The following G2E3 variants were observed in gnomAD, a reference collection of about 807,000 sequenced individuals.
G2E3 encodes G2/M phase-specific E3 ubiquitin-protein ligase.
Under a neutral mutation model 92.8 loss-of-function variants are expected in G2E3, and 35 were observed. That is an observed-to-expected ratio of 0.38 (90% CI 0.29 to 0.50). The LOEUF (loss-of-function observed/expected upper bound fraction) is 0.50. Among genes scored for constraint, G2E3 ranks in the 20% least tolerant of loss-of-function variants. G2E3 has a pLI of 0.94. For synonymous variants in G2E3, 242 were observed against 272.4 expected, an observed-to-expected ratio of 0.89 and a Z score of 1.10; for missense variants, 554 against 823.8, an observed-to-expected ratio of 0.67 and a Z score of 4.01.
In G2E3 at chr14:30,617,755, A is replaced by G. The variant is rs1010712692; in HGVS notation, c.*1221A>G. 2.0e-5 allele frequency: 3 copies of G among 152,146 alleles called. No individual in the cohort carries two copies. The highest frequency in any genetic ancestry group is 4.8e-5 in the African/African-American group (2 of 41,466). The allele number at this position is 152,146 out of a possible 1,614,324, so 9.4% of individuals were successfully genotyped here. On this transcript the variant is annotated 3_prime_UTR_variant, in exon 15 of 15. Coordinates refer to ENST00000206595, the MANE Select transcript of G2E3 (RefSeq NM_017769.5). ...TTTTTAACTTTAATAATGCTACTAAAAGACAATACCTAAAAGTAACTGTAC... is the reference window on the plus strand; with the variant it reads ...TTTTTAACTTTAATAATGCTACTAAGAGACAATACCTAAAAGTAACTGTAC...
chr14:30,571,038 A>C (rs1243870692), intron 1 of G2E3, among the ~76,000 whole-genome samples: 1 of 152,136 alleles, frequency 6.6e-6, no homozygotes, highest in East Asian at 1.9e-4. Flanking sequence ...ATCTTACGTA[A>C]CATAAGGTCA....
At chr14:30,561,639 A>G (rs576872198) in intron 1 of G2E3, among the ~76,000 whole-genome samples, 1 of 152,298 alleles carries the variant, frequency 6.6e-6, no homozygotes, top group South Asian at 2.1e-4. Flanking sequence ...ATTTTACTCA[A>G]ATGGGTTTAA....
At chr14:30,571,293 A>T (rs1314419687) in intron 1 of G2E3, among the ~76,000 whole-genome samples, 3 of 149,392 alleles carry the variant, frequency 2.0e-5, no homozygotes, top group African/African-American at 7.4e-5. Flanking sequence ...TCTTTTGTCC[A>T]TTTTGTTCAT....
Position 30,562,653 on chromosome 14 carries a change from A to G in G2E3, c.-5+3381A>G, listed in dbSNP as rs976220641. On this transcript the variant is annotated intron_variant, in intron 1 of 14. Coordinates refer to ENST00000206595, the MANE Select transcript of G2E3 (RefSeq NM_017769.5). The stretch of plus-strand genomic sequence containing the variant: ...GACTCTACTCCTCCACCTCTTGTGG[A>G]GGGCCTGACACCAGTCAGGCCCACC... Among the ~76,000 whole-genome samples, 4 of 152,080 alleles carry G rather than the reference A, an allele frequency of 2.6e-5. No homozygotes were observed. The South Asian group carries it at 8.3e-4, about 32-fold the overall frequency.
At chr14:30,579,586 A>C (rs1369715036) in intron 1 of G2E3, among the ~76,000 whole-genome samples, 1 of 152,176 alleles carries the variant, frequency 6.6e-6, no homozygotes, top group Non-Finnish European at 1.5e-5. Flanking sequence ...GGTGTCTTAG[A>C]TTTGATGAAA....
At chr14:30,572,194 A>G (rs1339061149) in intron 1 of G2E3, among the ~76,000 whole-genome samples, 1 of 152,052 alleles carries the variant, frequency 6.6e-6, no homozygotes, top group Non-Finnish European at 1.5e-5. Context: ...GCCTTGTTTC[A>G]TTACAACTTG....
chr14:30,582,307 G>A (rs1880477315), intron 2 of G2E3, among the ~76,000 whole-genome samples: 1 of 152,058 alleles, frequency 6.6e-6, no homozygotes, highest in South Asian at 2.1e-4. Flanking sequence ...ATGAAATCAG[G>A]ACAATTTTAC....
intron 1 of G2E3, among the ~76,000 whole-genome samples, chr14:30,578,774 G>T (rs1008364351): frequency 6.6e-6 from 1 of 152,190 alleles, no homozygotes; most frequent in African/African-American, 2.4e-5. Flanking sequence ...AGGTTGAACT[G>T]TAGAGAAGTC....
intron 12 of G2E3, among the ~76,000 whole-genome samples, chr14:30,608,655 G>A (rs229231): frequency 0.48 from 73,463 of 152,052 alleles, 20,591 homozygotes; most frequent in African/African-American, 0.77. Context: ...TGTCACATGT[G>A]CAAACACTCA....
At position 30,599,430 on chromosome 14, in the gene G2E3, T is replaced by C. The variant is rs541596428; in HGVS notation, c.752+831T>C. On this transcript the variant is annotated intron_variant, in intron 8 of 14. Coordinates refer to ENST00000206595, the MANE Select transcript of G2E3 (RefSeq NM_017769.5). ...TTTTAGTAGAGATCGGGTTTCACCATGTTGGTCAGCCTGGTCTCAAATGCC... is the reference window on the plus strand; with the variant it reads ...TTTTAGTAGAGATCGGGTTTCACCACGTTGGTCAGCCTGGTCTCAAATGCC... Among the ~76,000 whole-genome samples, 11 of 152,290 alleles carry C rather than the reference T, an allele frequency of 7.2e-5. No individual in the cohort carries two copies. In the South Asian group the frequency reaches 2.3e-3, roughly 32 times the overall value.
rs1253255239 is a variant in G2E3, at chr14:30,592,439, C to G, written c.354C>G (p.Gly118=). 2 of 1,577,848 alleles carry G rather than the reference C, an allele frequency of 1.3e-6. No individual in the cohort carries two copies. Among genetic ancestry groups the G allele is most frequent in the Admixed American group, 3.9e-5 (2 of 51,728 alleles). Residue 118 remains glycine (G), a synonymous_variant, in exon 5 of 15, where the codon GGC becomes GGG. Transcript: ENST00000206595. ...GAGAATGTATTTTCCAGTTTACTGG[C>G]AATTTTGCGTGAGTTATTTAACTGT... ...LQRECIFQFT[G]NFASFCWDHR...
At chr14:30,581,363 G>GA (rs1172564094) in intron 2 of G2E3, among the ~76,000 whole-genome samples, 22 of 152,150 alleles carry the variant, frequency 1.4e-4, no homozygotes, top group African/African-American at 4.8e-4. Context: ...TTATTTAAAG[G>GA]AAAAAATGCA....
intron 1 of G2E3, among the ~76,000 whole-genome samples, chr14:30,562,518 C>G (rs969572067): frequency 1.3e-5 from 2 of 152,122 alleles, no homozygotes; most frequent in African/African-American, 2.4e-5. Context: ...GGAAGACGCC[C>G]GTTGCCAAGA....
chr14:30,568,633 A>G (rs771659995), intron 1 of G2E3, among the ~76,000 whole-genome samples: 2 of 152,106 alleles, frequency 1.3e-5, no homozygotes, highest in Non-Finnish European at 2.9e-5. Flanking sequence ...CCTAGTTTGA[A>G]TTAATACCCA....
At chr14:30,595,145 A>G (rs1881219236) in intron 6 of G2E3, among the ~76,000 whole-genome samples, 1 of 152,154 alleles carries the variant, frequency 6.6e-6, no homozygotes, top group Non-Finnish European at 1.5e-5. Context: ...CTTTAAAAAA[A>G]ATGCAGGATG....
At chr14:30,563,608 T>A (rs1266086402) in intron 1 of G2E3, among the ~76,000 whole-genome samples, 1 of 146,580 alleles carries the variant, frequency 6.8e-6, no homozygotes, top group Admixed American at 6.8e-5. Context: ...GGTGGTAGGG[T>A]GGGGTGGGGT....
chr14:30,564,571 C>A (rs545405839), intron 1 of G2E3, among the ~76,000 whole-genome samples: 1 of 152,014 alleles, frequency 6.6e-6, no homozygotes, highest in African/African-American at 2.4e-5. Flanking sequence ...TAGCCTCAAG[C>A]GATCCTTCCA....
chr14:30,608,161 C>A, intron 12 of G2E3, 92 bp downstream of exon 12: 1 of 715,070 alleles, frequency 1.4e-6, no homozygotes, highest in Non-Finnish European at 2.2e-6. Context: ...ATAGTATTAT[C>A]TATGAAGGAG....
intron 10 of G2E3, among the ~76,000 whole-genome samples, chr14:30,604,863 T>C (rs1203141595): frequency 6.9e-6 from 1 of 145,524 alleles, no homozygotes; most frequent in African/African-American, 2.5e-5. Context: ...AGGTGAGAGT[T>C]TGAGCTTGCT....
Sources: gnomAD v4.1 joint callset for allele counts (sites outside exome capture counted in the v4.1 genomes callset) on GRCh38, gnomAD v4.1.1 for gene constraint, MANE v1.5 for transcripts, NCBI Gene and HGNC (gene_info 2026-07-23, HGNC 2026-07-21) for gene names.